MAPRE1: variants seen among roughly 807,000 people sequenced by gnomAD.
MAPRE1 encodes microtubule-associated protein RP/EB family member 1.
MAPRE1 carries 5 observed loss-of-function variants against 32.1 expected under a neutral mutation model. The ratio of observed to expected loss-of-function variants is 0.16; its 90% CI spans 0.08 to 0.33. The LOEUF (loss-of-function observed/expected upper bound fraction) is 0.33, where lower values mean the gene tolerates loss of function less well. Ranked by LOEUF, MAPRE1 falls within the 10% of genes least tolerant of loss-of-function variation. MAPRE1 has a pLI of 1.00. For synonymous variants in MAPRE1, 122 were observed against 118.9 expected (o/e 1.03, Z -0.17); for missense variants, 209 against 327.2 (o/e 0.64, Z 2.79).
At chr20:32,837,706 A>G (rs751101557) in intron 4 of MAPRE1, among the ~76,000 whole-genome samples, 19 of 152,222 alleles carry the variant, frequency 1.2e-4, no homozygotes, top group Non-Finnish European at 2.6e-4. Flanking sequence ...TATTTAAAGT[A>G]TAAAGTTAAA....
At chr20:32,845,809 GGCTGGACT>G (rs1294396096) in intron 5 of MAPRE1, among the ~76,000 whole-genome samples, 1 of 152,120 alleles carries the variant, frequency 6.6e-6, no homozygotes, top group Non-Finnish European at 1.5e-5. Flanking sequence ...GAGTTCAGAA[GGCTGGACT>G]AGATGATTTC....
At chr20:32,831,959 A>C (rs1256271132) in intron 2 of MAPRE1, among the ~76,000 whole-genome samples, 32 of 151,930 alleles carry the variant, frequency 2.1e-4, no homozygotes, top group African/African-American at 7.7e-4. Context: ...AAAAAAAAAA[A>C]AAAAACAAAA....
At position 32,849,890 on chromosome 20, in the gene MAPRE1, T is replaced by C. The variant is rs892740905; in HGVS notation, c.*1162T>C. On this transcript the variant is annotated 3_prime_UTR_variant, in exon 7 of 7. Transcript: ENST00000375571. ...TAATCTCTTTGGAGATAAAATTCAT[T>C]AGTGTGTTACTAAATGTTAATTTTC... 6 of 152,644 alleles carry C rather than the reference T, an allele frequency of 3.9e-5. No individual in the cohort carries two copies. Among genetic ancestry groups the C allele is most frequent in the Admixed American group, 1.3e-4 (2 of 15,280 alleles). 9.5% of individuals were successfully genotyped at this position (152,644 alleles called of 1,614,324 possible). A position where few individuals can be genotyped will look rare whatever the true frequency, so the allele number is the denominator to read the frequency against.
intron 1 of MAPRE1, among the ~76,000 whole-genome samples, chr20:32,822,520 TAGG>T (rs1281590161): frequency 6.6e-6 from 1 of 152,164 alleles, no homozygotes; most frequent in African/African-American, 2.4e-5. Flanking sequence ...GCATTGGAGA[TAGG>T]AGGATGAGTG....
At chr20:32,839,306 A>C (rs142970497) in intron 4 of MAPRE1, among the ~76,000 whole-genome samples, 1 of 152,212 alleles carries the variant, frequency 6.6e-6, no homozygotes, top group Non-Finnish European at 1.5e-5. Context: ...CCTTTGCTCT[A>C]CGAAGCTGGA....
chr20:32,826,798 T>G (rs909108665), intron 2 of MAPRE1, among the ~76,000 whole-genome samples: 1 of 151,948 alleles, frequency 6.6e-6, no homozygotes, highest in Non-Finnish European at 1.5e-5. Context: ...ATTACAGGCA[T>G]GAGCCACCAT....
chr20:32,835,343 T>C (rs904598183), intron 3 of MAPRE1, among the ~76,000 whole-genome samples: 16 of 150,976 alleles, frequency 1.1e-4, no homozygotes, highest in Non-Finnish European at 2.9e-5. Context: ...TGTTATTTTT[T>C]GTGTGTGTGT....
rs1983579477 is a variant in MAPRE1, at chr20:32,848,982, G to A, written c.*254G>A. 6.0e-6 allele frequency: 2 copies of A among 334,360 alleles called. No individual in the cohort carries two copies. The highest frequency in any genetic ancestry group is 1.1e-5 in the Non-Finnish European group (2 of 183,038). 20.7% of individuals were successfully genotyped at this position (334,360 alleles called of 1,614,324 possible). On this transcript the variant is annotated 3_prime_UTR_variant, in exon 7 of 7. Transcript: ENST00000375571. ...GGAAAACAGAGAGGCTGACCGTGGG[G>A]CTCACCATGCGGATGCGGGTCACAC...
At chr20:32,833,163 C>T (rs985453482) in intron 2 of MAPRE1, among the ~76,000 whole-genome samples, 2 of 151,994 alleles carry the variant, frequency 1.3e-5, no homozygotes, top group African/African-American at 4.8e-5. Context: ...GATTGTGCCA[C>T]TGCACTCCAG....
chr20:32,823,611 C>T (rs1982762331), intron 1 of MAPRE1, among the ~76,000 whole-genome samples: 1 of 152,330 alleles, frequency 6.6e-6, no homozygotes, highest in Middle Eastern at 3.4e-3. Flanking sequence ...TTCTACCGCA[C>T]TTAAAACCTG....
At chr20:32,823,947 C>T (rs1256266662) in intron 1 of MAPRE1, among the ~76,000 whole-genome samples, 1 of 152,202 alleles carries the variant, frequency 6.6e-6, no homozygotes, top group East Asian at 1.9e-4. Flanking sequence ...CCTTCTGTTC[C>T]CACCTCAGGC....
chr20:32,830,013 GTGT>G (rs1203408263), intron 2 of MAPRE1, among the ~76,000 whole-genome samples: 2 of 152,130 alleles, frequency 1.3e-5, no homozygotes, highest in African/African-American at 4.8e-5. Context: ...AATTGTTCCT[GTGT>G]TGCATTCCAT....
chr20:32,822,352 A>G (rs1326957015), intron 1 of MAPRE1, among the ~76,000 whole-genome samples: 2 of 152,196 alleles, frequency 1.3e-5, no homozygotes, highest in Non-Finnish European at 2.9e-5. Flanking sequence ...TGTTCATTCA[A>G]GGATTTTAAA....
rs150490945 is a variant in MAPRE1, at chr20:32,844,691, C to T, written c.598-1927C>T. On this transcript the variant is annotated intron_variant, in intron 5 of 6. Transcript: ENST00000375571. The stretch of plus-strand genomic sequence containing the variant: ...CCTCCCAAAGTGCTGGGATTACAGG[C>T]GTGAGCCACTGCGCCTGGCCAGCAT... Among the ~76,000 whole-genome samples the T allele has an allele frequency of 6.1e-4, 93 of 151,996 alleles. 1 individual carries two copies. Among genetic ancestry groups the T allele is most frequent in the African/African-American group, 2.1e-3 (87 of 41,474 alleles).
chr20:32,847,785 C>T (rs969059736), intron 6 of MAPRE1, among the ~76,000 whole-genome samples: 1 of 152,118 alleles, frequency 6.6e-6, no homozygotes, highest in African/African-American at 2.4e-5. Flanking sequence ...TAGTAATTTC[C>T]TGCTCTGAGT....
At chr20:32,826,098 C>T (rs780490555) in intron 2 of MAPRE1, 50 bp downstream of exon 2, 2 of 1,530,390 alleles carry the variant, frequency 1.3e-6, no homozygotes, top group African/African-American at 2.7e-5. Flanking sequence ...GTAGGTTTTT[C>T]AGGAATGTGA....
At chr20:32,839,397 G>A (rs964945446) in intron 4 of MAPRE1, among the ~76,000 whole-genome samples, 2 of 152,230 alleles carry the variant, frequency 1.3e-5, no homozygotes, top group African/African-American at 2.4e-5. Flanking sequence ...GGTCAGAGCT[G>A]GGTTAAGGTG....
chr20:32,819,778 C>G (rs1982626243), upstream of MAPRE1: 1 of 152,322 alleles, frequency 6.6e-6, no homozygotes, highest in Admixed American at 6.5e-5. Context: ...CGCAGTCGCC[C>G]CGGCGGTCGG....
rs1388336177 is a variant in MAPRE1 at position 32,836,626 on chromosome 20, C to G, written c.268-8C>G. 6.4e-7 allele frequency: 1 copy of G among 1,569,460 alleles called. No homozygotes were observed. Among genetic ancestry groups the G allele is most frequent in the East Asian group, 2.2e-5 (1 of 44,602 alleles). On this transcript the variant is annotated splice_polypyrimidine_tract_variant and splice_region_variant and intron_variant, in intron 3 of 6. Transcript: ENST00000375571. The stretch of plus-strand genomic sequence containing the variant: ...TTTTTGGGGCTAAACAGTTGTTTTT[C>G]TCTGCAGATAATTCCTGTGGACAAA...
Sources: allele counts gnomAD v4.1 joint callset (sites outside exome capture counted in the v4.1 genomes callset), GRCh38; gene constraint gnomAD v4.1.1; transcripts MANE v1.5; gene names NCBI Gene and HGNC (gene_info 2026-07-23, HGNC 2026-07-21).